LHFPL3: variants seen among roughly 807,000 people sequenced by gnomAD.
The protein encoded by LHFPL3 is LHFPL tetraspan subfamily member 3.
A neutral mutation model predicts 19.3 loss-of-function variants in LHFPL3; 5 were observed. That is an observed-to-expected ratio of 0.26 (90% confidence interval 0.14 to 0.54). The LOEUF is 0.54. Ranked by LOEUF, LHFPL3 falls within the 20% of genes least tolerant of loss-of-function variation. The pLI, the probability that LHFPL3 is intolerant of heterozygous loss-of-function variation, is 0.94. For missense variants in LHFPL3, 249 were observed against 307.4 expected (o/e 0.81, Z 1.42); for synonymous variants, 133 against 126.2 (o/e 1.05, Z -0.36).
intron 1 of LHFPL3, among the ~76,000 whole-genome samples, chr7:104,562,976 T>C (rs1371792859): frequency 1.2e-4 from 19 of 152,166 alleles, no homozygotes; most frequent in South Asian, 2.1e-4. Context: ...TGGGGGGTGC[T>C]TGCCAGTTAG....
intron 1 of LHFPL3, among the ~76,000 whole-genome samples, chr7:104,731,935 G>A (rs1190550280): frequency 6.6e-6 from 1 of 152,098 alleles, no homozygotes; most frequent in Non-Finnish European, 1.5e-5. Flanking sequence ...TAGCATGAAG[G>A]GCTGTTGAAT....
intron 1 of LHFPL3, among the ~76,000 whole-genome samples, chr7:104,450,548 G>A (rs531184243): frequency 1.4e-4 from 21 of 152,024 alleles, no homozygotes; most frequent in Middle Eastern, 3.4e-3. Flanking sequence ...ACAGGGAGGG[G>A]AACATCACAC....
chr7:104,543,620 CG>C (rs1794528273), intron 1 of LHFPL3, among the ~76,000 whole-genome samples: 1 of 149,384 alleles, frequency 6.7e-6, no homozygotes, highest in African/African-American at 2.5e-5. Flanking sequence ...TGTAGGGACA[CG>C]GATGAAACTG....
intron 1 of LHFPL3, among the ~76,000 whole-genome samples, chr7:104,682,206 T>A (rs1792716513): frequency 6.6e-6 from 1 of 152,130 alleles, no homozygotes; most frequent in South Asian, 2.1e-4. Flanking sequence ...TTTTCAATAG[T>A]CAAAAAAAAG....
chr7:104,412,401 G>T (rs1356160477), intron 1 of LHFPL3, among the ~76,000 whole-genome samples: 1 of 152,052 alleles, frequency 6.6e-6, no homozygotes, highest in Non-Finnish European at 1.5e-5. Context: ...CCATTAGCTT[G>T]TGAAGAGTGG....
At chr7:104,404,962 G>A (rs558812267) in intron 1 of LHFPL3, among the ~76,000 whole-genome samples, 37 of 152,170 alleles carry the variant, frequency 2.4e-4, no homozygotes, top group African/African-American at 8.9e-4. Flanking sequence ...GTTTTACCCT[G>A]GTCTATTGGT....
chr7:104,590,256 A>G (rs1436803264), intron 1 of LHFPL3, among the ~76,000 whole-genome samples: 2 of 152,082 alleles, frequency 1.3e-5, no homozygotes, highest in East Asian at 3.9e-4. Flanking sequence ...ATTTAGTGCT[A>G]TACGTTTCCC....
chr7:104,446,846 C>T (rs1428600611), intron 1 of LHFPL3, among the ~76,000 whole-genome samples: 4 of 152,074 alleles, frequency 2.6e-5, no homozygotes, highest in Non-Finnish European at 4.4e-5. Flanking sequence ...AACACCCGGC[C>T]GATTCTATAG....
At chr7:104,440,014 A>T (rs1484483196) in intron 1 of LHFPL3, among the ~76,000 whole-genome samples, 3 of 123,710 alleles carry the variant, frequency 2.4e-5, no homozygotes, top group Admixed American at 9.3e-5. Context: ...AGAATACAAG[A>T]TTACTATATA....
intron 1 of LHFPL3, among the ~76,000 whole-genome samples, chr7:104,563,967 A>T (rs1214426821): frequency 6.6e-6 from 1 of 152,244 alleles, no homozygotes; most frequent in African/African-American, 2.4e-5. Flanking sequence ...GCCATAGAAA[A>T]TACCTAATAA....
chr7:104,524,193 A>T (rs1024237989), intron 1 of LHFPL3, among the ~76,000 whole-genome samples: 1 of 152,196 alleles, frequency 6.6e-6, no homozygotes, highest in Admixed American at 6.5e-5. Flanking sequence ...AGACAAGGCA[A>T]GAAGGATGGC....
chr7:104,764,418 G>T (rs774999967), intron 2 of LHFPL3, among the ~76,000 whole-genome samples: 1 of 152,054 alleles, frequency 6.6e-6, no homozygotes, highest in Non-Finnish European at 1.5e-5. Flanking sequence ...TGATCCACCC[G>T]CCTTGGCCTC....
chr7:104,429,074 G>T (rs1584313654), intron 1 of LHFPL3, among the ~76,000 whole-genome samples: 1 of 152,032 alleles, frequency 6.6e-6, no homozygotes, highest in South Asian at 2.1e-4. Context: ...ACTACCAGTG[G>T]CATCTTGGTC....
intron 1 of LHFPL3, among the ~76,000 whole-genome samples, chr7:104,693,376 G>T (rs1351065080): frequency 6.6e-6 from 1 of 152,226 alleles, no homozygotes; most frequent in Non-Finnish European, 1.5e-5. Flanking sequence ...TTTGGGAGGG[G>T]CCAGGGCAGA....
At chr7:104,674,372 CTTTTTT>C (rs531335106) in intron 1 of LHFPL3, among the ~76,000 whole-genome samples, 5,754 of 134,654 alleles carry the variant, frequency 0.043, 136 homozygotes, top group African/African-American at 0.059. Context: ...TTTTCTTTTT[CTTTTTT>C]TTTTTTTTTT....
intron 1 of LHFPL3, among the ~76,000 whole-genome samples, chr7:104,592,270 C>G (rs1790740626): frequency 6.6e-6 from 1 of 152,118 alleles, no homozygotes; most frequent in Non-Finnish European, 1.5e-5. Context: ...TACCTTTGGT[C>G]TTTGATGATG....
intron 1 of LHFPL3, among the ~76,000 whole-genome samples, chr7:104,670,572 A>G: frequency 6.6e-6 from 1 of 152,206 alleles, no homozygotes; most frequent in East Asian, 1.9e-4. Context: ...TCTCTCAGCC[A>G]TGGAGAACTC....
intron 1 of LHFPL3, among the ~76,000 whole-genome samples, chr7:104,335,979 A>T (rs1169300420): frequency 6.6e-6 from 1 of 152,156 alleles, no homozygotes; most frequent in Non-Finnish European, 1.5e-5. Context: ...ATTTTGGATC[A>T]CATTGGCACG....
intron 1 of LHFPL3, among the ~76,000 whole-genome samples, chr7:104,576,231 C>T (rs1341567432): frequency 1.3e-5 from 2 of 152,070 alleles, no homozygotes; most frequent in Non-Finnish European, 2.9e-5. Flanking sequence ...ACCATAGGGT[C>T]ATGAAAGCCA....
Sources: gnomAD v4.1 joint callset for allele counts (sites outside exome capture counted in the v4.1 genomes callset) on GRCh38, gnomAD v4.1.1 for gene constraint, MANE v1.5 for transcripts, NCBI Gene and HGNC (gene_info 2026-07-23, HGNC 2026-07-21) for gene names.